Variants in C8orf34 observed in about 807,000 individuals in gnomAD.
C8orf34 encodes uncharacterized protein C8orf34.
C8orf34 carries 65 observed loss-of-function variants against 68.3 expected under a neutral mutation model. That is an observed-to-expected ratio of 0.95 (90% confidence interval 0.78 to 1.17). The LOEUF is 1.17. C8orf34 is among the 50% of genes most tolerant of loss of function. The pLI is 0.00. For synonymous variants in C8orf34, 244 were observed against 241.2 expected (o/e 1.01, Z -0.11); for missense variants, 664 against 655.4 (o/e 1.01, Z -0.14).
At chr8:68,815,339 T>C (rs1029841748) in intron 12 of C8orf34, among the ~76,000 whole-genome samples, 2 of 150,476 alleles carry the variant, frequency 1.3e-5, no homozygotes, top group African/African-American at 4.9e-5. Flanking sequence ...TGTGTGCATA[T>C]ATATGGGTAC....
chr8:68,664,701 C>A (rs1486687530), intron 8 of C8orf34, among the ~76,000 whole-genome samples: 2 of 152,000 alleles, frequency 1.3e-5, no homozygotes, highest in Non-Finnish European at 2.9e-5. Context: ...AATCAGATGC[C>A]CCTTCCTTAG....
intron 1 of C8orf34, among the ~76,000 whole-genome samples, chr8:68,373,929 A>G (rs10101369): frequency 0.63 from 95,876 of 151,936 alleles, 30,642 homozygotes; most frequent in African/African-American, 0.74. Flanking sequence ...TTGTTTGTTT[A>G]TTTCTCAGAT....
intron 8 of C8orf34, among the ~76,000 whole-genome samples, chr8:68,660,176 T>G (rs1183735660): frequency 6.6e-6 from 1 of 152,052 alleles, no homozygotes; most frequent in Non-Finnish European, 1.5e-5. Flanking sequence ...AGAAGCCATT[T>G]TTTCCCTCAA....
chr8:68,707,053 A>C (rs1328643401), intron 8 of C8orf34, among the ~76,000 whole-genome samples: 1 of 151,798 alleles, frequency 6.6e-6, no homozygotes, highest in African/African-American at 2.4e-5. Context: ...TAGGAGTAAA[A>C]CTCTTATGGT....
rs571623222 is a variant in C8orf34, at chr8:68,413,267, C to T, written c.328-26232C>T. ...ACTATTTCTGCTGTTGCCATTGTTT[C>T]CTACTTTACTGAGATAATCAAAGCA... On this transcript the variant is annotated intron_variant, in intron 1 of 13. Transcript: ENST00000518698. Among the ~76,000 whole-genome samples, 54 of 152,270 alleles carry T rather than the reference C, an allele frequency of 3.5e-4. No individual in the cohort carries two copies. In the South Asian group the frequency reaches 0.011, roughly 32 times the overall value.
intron 1 of C8orf34, among the ~76,000 whole-genome samples, chr8:68,394,218 C>T (rs1004116148): frequency 2.7e-5 from 4 of 149,784 alleles, no homozygotes; most frequent in Admixed American, 1.3e-4. Flanking sequence ...AGGTATATCT[C>T]CCAATGCTAT....
intron 8 of C8orf34, among the ~76,000 whole-genome samples, chr8:68,682,554 C>G (rs1365982495): frequency 1.3e-5 from 2 of 152,034 alleles, no homozygotes; most frequent in Non-Finnish European, 2.9e-5. Context: ...TCTCCTGTGT[C>G]TACAATTACT....
intron 7 of C8orf34, among the ~76,000 whole-genome samples, chr8:68,588,649 T>C (rs1191723925): frequency 1.3e-5 from 2 of 152,128 alleles, no homozygotes; most frequent in Admixed American, 6.6e-5. Context: ...AAAAGTCCAA[T>C]GTGTGGTCAT....
At position 68,521,957 on chromosome 8, in the gene C8orf34, T is replaced by C; in HGVS notation, c.924T>C (p.Ser308=). The change falls in exon 6 of 14, where the codon TCT becomes TCC. Residue 308 remains serine (S), a synonymous_variant. Coordinates refer to ENST00000518698, the MANE Select transcript of C8orf34 (RefSeq NM_052958.4). ...NDQWESEDSG[S]SPAGSLKMEP... ...AATGGGAAAGTGAAGATAGTGGCTC[T>C]AGTCCTGCAGGAAGGTGAGATGAGC... 3 of 1,614,042 alleles carry C rather than the reference T, an allele frequency of 1.9e-6. No homozygotes were observed. The highest frequency in any genetic ancestry group is 2.5e-6 in the Non-Finnish European group (3 of 1,179,956).
At chr8:68,500,450 C>A (rs1485869845) in intron 5 of C8orf34, among the ~76,000 whole-genome samples, 1 of 152,152 alleles carries the variant, frequency 6.6e-6, no homozygotes, top group Non-Finnish European at 1.5e-5. Flanking sequence ...CAACAGTATT[C>A]TGATAATTGG....
intron 1 of C8orf34, among the ~76,000 whole-genome samples, chr8:68,402,397 C>T (rs1453916481): frequency 6.6e-6 from 1 of 151,932 alleles, no homozygotes; most frequent in African/African-American, 2.4e-5. Context: ...TTTTTCATCT[C>T]AATTTCATTT....
intron 8 of C8orf34, among the ~76,000 whole-genome samples, chr8:68,681,620 A>G (rs1044553094): frequency 3.1e-4 from 47 of 152,188 alleles, no homozygotes; most frequent in African/African-American, 1.1e-3. Context: ...CGAAAAACTA[A>G]AAATAAAACT....
At chr8:68,532,912 A>C in intron 6 of C8orf34, 71 bp from the exon 7 acceptor site, 1 of 1,149,084 alleles carries the variant, frequency 8.7e-7, no homozygotes, top group Non-Finnish European at 1.2e-6. Context: ...GTAATAAAAT[A>C]ACCAAATGGA....
chr8:68,519,877 A>G (rs1381812732), intron 5 of C8orf34, among the ~76,000 whole-genome samples: 1 of 152,206 alleles, frequency 6.6e-6, no homozygotes, highest in African/African-American at 2.4e-5. Flanking sequence ...TCACAGATGG[A>G]AAAGTATTCT....
Position 68,737,480 on chromosome 8 carries a change from C to T in C8orf34, c.1404+16043C>T, listed in dbSNP as rs552797622. On this transcript the variant is annotated intron_variant, in intron 10 of 13. Transcript: ENST00000518698. ...CAATTAAAAGGCACAGAATGGTCAG[C>T]TGAATAAAGAACCAAGGCCCATTGG... Among the ~76,000 whole-genome samples, 8 of 152,062 alleles carry T rather than the reference C, an allele frequency of 5.3e-5. No individual in the cohort carries two copies. In the South Asian group the frequency reaches 1.7e-3, roughly 32 times the overall value.
chr8:68,557,153 A>G (rs1000556155), intron 7 of C8orf34, among the ~76,000 whole-genome samples: 1 of 152,164 alleles, frequency 6.6e-6, no homozygotes, highest in Non-Finnish European at 1.5e-5. Flanking sequence ...TTCAGACTAC[A>G]TTATTTTCCT....
chr8:68,448,430 T>C (rs1236399382), intron 3 of C8orf34, among the ~76,000 whole-genome samples: 1 of 152,200 alleles, frequency 6.6e-6, no homozygotes, highest in Admixed American at 6.6e-5. Flanking sequence ...TTGGAAATAC[T>C]TGTTAAAACA....
intron 11 of C8orf34, among the ~76,000 whole-genome samples, chr8:68,778,493 G>C (rs544968849): frequency 6.6e-6 from 1 of 152,106 alleles, no homozygotes; most frequent in Non-Finnish European, 1.5e-5. Context: ...ATTTTGTTTA[G>C]ATCTGAATCA....
chr8:68,771,243 G>T (rs1474497048), intron 10 of C8orf34, among the ~76,000 whole-genome samples: 1 of 152,124 alleles, frequency 6.6e-6, no homozygotes, highest in Non-Finnish European at 1.5e-5. Context: ...ATTAATTGGG[G>T]ATAAATCACT....
Sources: gnomAD v4.1 joint callset for allele counts (sites outside exome capture counted in the v4.1 genomes callset) on GRCh38, gnomAD v4.1.1 for gene constraint, MANE v1.5 for transcripts, NCBI Gene and HGNC (gene_info 2026-07-23, HGNC 2026-07-21) for gene names.